The following ZNF878 variants were observed in gnomAD, a reference collection of about 807,000 sequenced individuals.
ZNF878 encodes zinc finger protein 878.
A neutral mutation model predicts 11.1 loss-of-function variants in ZNF878; 10 were observed. That is an observed-to-expected ratio of 0.90 (90% CI 0.56 to 1.53). The LOEUF is 1.53. ZNF878 is among the 40% of genes most tolerant of loss of function. The pLI is 0.00. For missense variants in ZNF878, 548 were observed against 626.1 expected (o/e 0.88, Z 1.33); for synonymous variants, 165 against 209.7 (o/e 0.79, Z 1.84).
chr19:12,046,366 A>G lies in ZNF878; in HGVS notation c.191+2T>C. The G allele has an allele frequency of 6.4e-7, 1 of 1,563,090 alleles. No homozygotes were observed. Among genetic ancestry groups the G allele is most frequent in the Non-Finnish European group, 8.7e-7 (1 of 1,152,418 alleles). On this transcript the variant is annotated splice_donor_variant, in intron 3 of 3. Coordinates refer to ENST00000547628, the MANE Select transcript of ZNF878 (RefSeq NM_001080404.3). LOFTEE classifies it high-confidence loss of function. ...TTGTTTTCTCTTTTAAGTGCCAGTT[A>G]CCTTAGGTTTCTCCTAGGATTTTGG...
At chr19:12,052,562 G>A (rs1206473301) in intron 1 of ZNF878, among the ~76,000 whole-genome samples, 1 of 152,186 alleles carries the variant, frequency 6.6e-6, no homozygotes, top group Non-Finnish European at 1.5e-5. Context: ...GCTCAGAGAG[G>A]GAGCCGGGGC....
At chr19:12,045,456 G>A (rs1975466648) in intron 3 of ZNF878, among the ~76,000 whole-genome samples, 1 of 152,048 alleles carries the variant, frequency 6.6e-6, no homozygotes, top group South Asian at 2.1e-4. Context: ...GACCATCCTG[G>A]CTAACATGGT....
chr19:12,049,953 G>A (rs1384517466), intron 1 of ZNF878, among the ~76,000 whole-genome samples: 6 of 152,008 alleles, frequency 3.9e-5, no homozygotes, highest in East Asian at 1.9e-4. Flanking sequence ...GGCCGGGTGC[G>A]GTGGCTCATG....
intron 3 of ZNF878, 79 bp downstream of exon 3, chr19:12,046,289 T>C: frequency 9.0e-7 from 1 of 1,115,820 alleles, no homozygotes. Flanking sequence ...TTGTTTCTTA[T>C]GCTTGCTTCT....
At chr19:12,050,939 C>G (rs1975543830) in intron 1 of ZNF878, among the ~76,000 whole-genome samples, 1 of 151,014 alleles carries the variant, frequency 6.6e-6, no homozygotes, top group Admixed American at 6.6e-5. Context: ...CTAAAAAATA[C>G]AAAAAAATTA....
rs758107310 is a variant in ZNF878 at position 12,045,138 on chromosome 19, G to C, written c.263C>G (p.Pro88Arg). The part of the protein sequence containing the change: ...HQHGEVLTQV[P>R]DDTLKKKTPG... ...AGTTTTCTTCTTCAGTGTGTCATCT[G>C]GAACCTGTGTCAAAACTTCTCCATG... The change falls in exon 4 of 4, where the codon CCA (proline) becomes CGA (arginine). Residue 88 changes from proline (P) to arginine (R), a missense_variant. Pro to Arg is a moderately radical substitution (Grantham distance 103). Transcript: ENST00000547628. 2.5e-6 allele frequency: 4 copies of C among 1,612,754 alleles called. No homozygotes were observed. In the Admixed American group the frequency reaches 6.7e-5, roughly 27 times the overall value.
intron 3 of ZNF878, chr19:12,046,040 GACT>G: frequency 4.3e-6 from 1 of 234,072 alleles, no homozygotes; most frequent in Non-Finnish European, 8.2e-6. Context: ...TTTTAAAGTA[GACT>G]ATTTTATAAA....
chr19:12,044,687 A>T lies in ZNF878; in HGVS notation c.714T>A (p.Ser238=), dbSNP rs769462476. The change falls in exon 4 of 4, where the codon TCT becomes TCA. Residue 238 remains serine (S), a synonymous_variant. Transcript: ENST00000547628. ...TCTCGTGTCTTTTTAACGAACTGGGAGAAAAAAAGGCTTTCCCACATATGT... is the reference window on the plus strand; with the variant it reads ...TCTCGTGTCTTTTTAACGAACTGGGTGAAAAAAAGGCTTTCCCACATATGT... ...KCNICGKAFF[S]PSSLKRHEKS... 5.6e-6 allele frequency: 9 copies of T among 1,613,946 alleles called. No homozygotes were observed. Among genetic ancestry groups the T allele is most frequent in the Non-Finnish European group, 7.6e-6 (9 of 1,180,022 alleles).
chr19:12,050,178 T>C lies in ZNF878; in HGVS notation c.3+2621A>G, dbSNP rs558546576. Among the ~76,000 whole-genome samples, 7 of 152,194 alleles carry C rather than the reference T, an allele frequency of 4.6e-5. No homozygotes were observed. In the East Asian group the frequency reaches 1.2e-3, roughly 25 times the overall value. On this transcript the variant is annotated intron_variant, in intron 1 of 3. Transcript: ENST00000547628. ...AGGTGGAGTTTGCAGTGAGCCAAGA[T>C]TATGCCAGTGCACTCCAGCCTGGGC...
intron 3 of ZNF878, chr19:12,045,985 C>CT (rs1440313073): frequency 1.2e-5 from 2 of 164,016 alleles, no homozygotes; most frequent in African/African-American, 4.8e-5. Context: ...TTCCAAAGTG[C>CT]TGGGATTACA....
intron 3 of ZNF878, 38 bp downstream of exon 3, chr19:12,046,330 A>T (rs1444808704): frequency 4.9e-6 from 7 of 1,420,562 alleles, no homozygotes; most frequent in Non-Finnish European, 6.8e-6. Flanking sequence ...CTAAGATTGT[A>T]TACAGAGACA....
chr19:12,050,363 C>T (rs1180557686), intron 1 of ZNF878, among the ~76,000 whole-genome samples: 2 of 152,138 alleles, frequency 1.3e-5, no homozygotes, highest in Non-Finnish European at 2.9e-5. Context: ...GAAACAATAT[C>T]ACTAATGACT....
intron 1 of ZNF878, among the ~76,000 whole-genome samples, chr19:12,047,494 G>A (rs1359765391): frequency 3.9e-5 from 6 of 151,910 alleles, no homozygotes; most frequent in Non-Finnish European, 5.9e-5. Context: ...AACCCATGAG[G>A]CAGAGGTTGC....
intron 1 of ZNF878, among the ~76,000 whole-genome samples, chr19:12,051,673 G>A (rs968496775): frequency 6.6e-6 from 1 of 152,192 alleles, no homozygotes; most frequent in African/African-American, 2.4e-5. Flanking sequence ...TTGGGAGGCC[G>A]AAGTGGGCGG....
At chr19:12,046,861 A>C in intron 1 of ZNF878, 101 bp from the exon 2 acceptor site, 1 of 1,508,686 alleles carries the variant, frequency 6.6e-7, no homozygotes, top group Non-Finnish European at 9.0e-7. Context: ...TGGTGTGTGG[A>C]CTCCAAACAT....
At position 12,044,921 on chromosome 19, in the gene ZNF878, T is replaced by C; in HGVS notation, c.480A>G (p.Arg160=). ...TTTTTGCAGAGTGGATTCTTTCATG[T>C]CTACGAACAGAACTGGGAAACCTGA... ...KAFRFPSSVR[R]HERIHSAKKP... Residue 160 remains arginine, a synonymous_variant, in exon 4 of 4, where the codon AGA becomes AGG. Transcript: ENST00000547628. The C allele has an allele frequency of 6.2e-7, 1 of 1,614,162 alleles. No homozygotes were observed. Among genetic ancestry groups the C allele is most frequent in the Admixed American group, 1.7e-5 (1 of 60,024 alleles).
chr19:12,047,181 A>G (rs1975501840), intron 1 of ZNF878, among the ~76,000 whole-genome samples: 1 of 152,176 alleles, frequency 6.6e-6, no homozygotes, highest in African/African-American at 2.4e-5. Context: ...CTTTGTGATG[A>G]CTAGAAAGTG....
chr19:12,046,711 C>T lies in ZNF878; in HGVS notation c.53G>A (p.Trp18Ter), dbSNP rs763701741. The T allele has an allele frequency of 2.5e-6, 4 of 1,614,098 alleles. No individual in the cohort carries two copies. In the East Asian group the frequency reaches 6.7e-5, roughly 27 times the overall value. Reference sequence around the variant, plus strand: ...TTTCTGGGAAGGATCCAGCAAAGCCCACTCCTCCTGGGTGAAGTTCACAGC... The same window carrying T: ...TTTCTGGGAAGGATCCAGCAAAGCCTACTCCTCCTGGGTGAAGTTCACAGC... ...DVAVNFTQEE[W>*]ALLDPSQKNL... is the part of the protein sequence containing the mutation. Residue 18 changes from tryptophan (W) to a stop codon, truncating the protein, a stop_gained, in exon 2 of 4, where the codon TGG becomes TAG. Transcript: ENST00000547628. LOFTEE classifies it high-confidence loss of function.
In ZNF878 at chr19:12,044,417, A is replaced by T. The variant is rs907614254; in HGVS notation, c.984T>A (p.Tyr328Ter). 5.6e-6 allele frequency: 9 copies of T among 1,611,350 alleles called. No homozygotes were observed. The African/African-American group carries it at 1.2e-4, about 22-fold the overall frequency. ...KGFISSTSFR[Y>*]HEKTHTGEKP... ...TCTCTCCAGTGTGAGTCTTTTCATG[A>T]TAGCGAAAGGAAGTGGAAGAAATAA... The change falls in exon 4 of 4, where the codon TAT becomes TAA. Residue 328 changes from tyrosine (Y) to a stop codon, truncating the protein, a stop_gained. Transcript: ENST00000547628. LOFTEE classifies it low-confidence loss of function (END_TRUNC).
Sources: gnomAD v4.1 joint callset for allele counts (sites outside exome capture counted in the v4.1 genomes callset) on GRCh38, gnomAD v4.1.1 for gene constraint, MANE v1.5 for transcripts, NCBI Gene and HGNC (gene_info 2026-07-23, HGNC 2026-07-21) for gene names.